The following SLC2A13 variants were observed in gnomAD, a reference collection of about 807,000 sequenced individuals.
SLC2A13 encodes the protein solute carrier family 2 member 13.
A neutral mutation model predicts 64.4 loss-of-function variants in SLC2A13; 32 were observed. The ratio of observed to expected loss-of-function variants is 0.50; its 90% CI spans 0.37 to 0.67. SLC2A13 has a LOEUF of 0.67. Ranked by LOEUF, SLC2A13 falls within the 30% of genes least tolerant of loss-of-function variation. The probability of loss-of-function intolerance (pLI) is 0.00; values close to 1 mark genes in which losing one functional copy is unlikely to be tolerated. For synonymous variants in SLC2A13, 338 were observed against 327.1 expected, an observed-to-expected ratio of 1.03 and a Z score of -0.36; for missense variants, 743 against 829.2, an observed-to-expected ratio of 0.90 and a Z score of 1.28.
intron 1 of SLC2A13, among the ~76,000 whole-genome samples, chr12:40,076,636 T>C (rs370251351): frequency 4.3e-4 from 65 of 152,248 alleles, no homozygotes; most frequent in African/African-American, 1.5e-3. Flanking sequence ...GTCTTTATGA[T>C]AGAACGAATT....
intron 3 of SLC2A13, among the ~76,000 whole-genome samples, chr12:39,998,739 T>C (rs973748915): frequency 6.6e-6 from 1 of 152,210 alleles, no homozygotes; most frequent in African/African-American, 2.4e-5. Flanking sequence ...TTTGAGTTAA[T>C]GCTGAGATGA....
chr12:39,815,069 A>G (rs1048966213), intron 7 of SLC2A13, among the ~76,000 whole-genome samples: 1 of 151,736 alleles, frequency 6.6e-6, no homozygotes, highest in Non-Finnish European at 1.5e-5. Flanking sequence ...TCAGCAAACT[A>G]AGGATTAGAG....
At chr12:39,799,679 C>A (rs1439933645) in intron 7 of SLC2A13, among the ~76,000 whole-genome samples, 1 of 152,116 alleles carries the variant, frequency 6.6e-6, no homozygotes, top group African/African-American at 2.4e-5. Flanking sequence ...AATAGCAATT[C>A]AAATGGTAGA....
chr12:39,838,465 C>T (rs1943083400), intron 6 of SLC2A13, among the ~76,000 whole-genome samples: 1 of 137,880 alleles, frequency 7.3e-6, no homozygotes, highest in South Asian at 2.3e-4. Context: ...ACAATGTGCA[C>T]ATGTACCCTA....
intron 4 of SLC2A13, among the ~76,000 whole-genome samples, chr12:39,917,383 CTCTG>C (rs781530782): frequency 5.3e-5 from 8 of 152,048 alleles, no homozygotes; most frequent in Non-Finnish European, 8.8e-5. Context: ...GCAAAGGAGT[CTCTG>C]TAGGTAGTTC....
intron 4 of SLC2A13, among the ~76,000 whole-genome samples, chr12:39,918,754 C>A (rs1039184814): frequency 6.6e-6 from 1 of 150,980 alleles, no homozygotes; most frequent in East Asian, 1.9e-4. Flanking sequence ...ATTAGCTGGG[C>A]GTGGTGGCGC....
At chr12:39,761,288 G>A (rs12229418) in intron 9 of SLC2A13, among the ~76,000 whole-genome samples, 20,323 of 151,934 alleles carry the variant, frequency 0.13, 1,634 homozygotes, top group East Asian at 0.39. Flanking sequence ...AGTGTTGGCA[G>A]TTTATGATTC....
intron 1 of SLC2A13, among the ~76,000 whole-genome samples, chr12:40,049,994 G>A (rs1030433909): frequency 6.6e-6 from 1 of 152,092 alleles, no homozygotes; most frequent in Admixed American, 6.6e-5. Context: ...AGTATTAACA[G>A]TCTTCACAAT....
In SLC2A13 at chr12:40,105,068, C is replaced by T. The variant is rs575665257; in HGVS notation, c.556+185G>A. On this transcript the variant is annotated intron_variant, in intron 1 of 9. Coordinates refer to ENST00000280871, the MANE Select transcript of SLC2A13 (RefSeq NM_052885.4). This position sits in a 1 kb window ranked among gnomAD's most constrained non-coding sequence, Gnocchi z 4.2. ...GACACCCCCTCCCCCCCGACCCTCC[C>T]ACCTCCCGGGAGAGCCTTGGAGGCT... Among the ~76,000 whole-genome samples the T allele has an allele frequency of 1.3e-5, 2 of 152,284 alleles. No homozygotes were observed. Among genetic ancestry groups the T allele is most frequent in the African/African-American group, 2.4e-5 (1 of 41,572 alleles).
chr12:39,906,890 A>T (rs1166974534), intron 4 of SLC2A13, among the ~76,000 whole-genome samples: 1 of 152,146 alleles, frequency 6.6e-6, no homozygotes, highest in Non-Finnish European at 1.5e-5. Flanking sequence ...ATAAAGTAAA[A>T]AAACTTTGTT....
In SLC2A13 at chr12:39,962,084, T is replaced by C. The variant is rs1314730892; in HGVS notation, c.926-10719A>G. On this transcript the variant is annotated intron_variant, in intron 3 of 9. Coordinates refer to ENST00000280871, the MANE Select transcript of SLC2A13 (RefSeq NM_052885.4). ...ACACAGTAAGTCACAATAATAGCTT[T>C]GTAACATCAAACCACCTTCGCATTC... 4.6e-5 allele frequency among the ~76,000 whole-genome samples: 7 copies of C among 152,184 alleles called. No individual in the cohort carries two copies. The East Asian group carries it at 1.2e-3, about 25-fold the overall frequency.
chr12:39,778,093 A>G (rs941691891), intron 7 of SLC2A13, among the ~76,000 whole-genome samples: 1 of 152,116 alleles, frequency 6.6e-6, no homozygotes, highest in Non-Finnish European at 1.5e-5. Flanking sequence ...ATGCTCCCCT[A>G]GAGGTTTGAG....
chr12:39,830,827 A>G (rs1942831418), intron 6 of SLC2A13, among the ~76,000 whole-genome samples: 1 of 152,192 alleles, frequency 6.6e-6, no homozygotes, highest in Non-Finnish European at 1.5e-5. Flanking sequence ...CTGAGTATCA[A>G]TTATGGATTA....
rs1939264159 is a variant in SLC2A13 at position 40,105,154 on chromosome 12, G to A, written c.556+99C>T. The A allele has an allele frequency of 7.0e-6, 10 of 1,419,094 alleles. No homozygotes were observed. Among genetic ancestry groups the A allele is most frequent in the Non-Finnish European group, 9.1e-6 (10 of 1,093,262 alleles). The allele number at this position is 1,419,094 out of a possible 1,614,324, so 87.9% of individuals were successfully genotyped here. On this transcript the variant is annotated intron_variant, in intron 1 of 9. Coordinates refer to ENST00000280871, the MANE Select transcript of SLC2A13 (RefSeq NM_052885.4). This position sits in a 1 kb window ranked among gnomAD's most constrained non-coding sequence, Gnocchi z 4.2. ...AGTGGAGGATTCTCTGACCCTGGGA[G>A]ACCAGACGGGGACCCCGATGGGCAA...
intron 3 of SLC2A13, among the ~76,000 whole-genome samples, chr12:39,956,411 A>G (rs569317412): frequency 3.9e-5 from 6 of 152,198 alleles, no homozygotes; most frequent in Admixed American, 2.0e-4. Context: ...CAGCGTCTCA[A>G]ATTATATGCT....
intron 7 of SLC2A13, among the ~76,000 whole-genome samples, chr12:39,804,794 A>C (rs1941913248): frequency 6.6e-6 from 1 of 152,194 alleles, no homozygotes. Flanking sequence ...AGATACATTT[A>C]TATTTACATG....
intron 6 of SLC2A13, among the ~76,000 whole-genome samples, chr12:39,835,229 T>C (rs888217955): frequency 6.6e-5 from 10 of 152,058 alleles, no homozygotes; most frequent in African/African-American, 2.4e-4. Flanking sequence ...CTTCAAAGTT[T>C]TCTATCTCAA....
At chr12:40,078,640 T>C (rs1432630279) in intron 1 of SLC2A13, among the ~76,000 whole-genome samples, 1 of 152,190 alleles carries the variant, frequency 6.6e-6, no homozygotes, top group East Asian at 1.9e-4. Context: ...TAGAATGATC[T>C]GGCCTCATAA....
intron 3 of SLC2A13, among the ~76,000 whole-genome samples, chr12:40,008,846 C>A (rs1165063632): frequency 6.6e-6 from 1 of 152,162 alleles, no homozygotes; most frequent in East Asian, 1.9e-4. Context: ...GAGAAACACA[C>A]ATACATGTGC....
Sources: gnomAD v4.1 joint callset for allele counts (sites outside exome capture counted in the v4.1 genomes callset) on GRCh38, gnomAD v4.1.1 for gene constraint, Gnocchi (gnomAD v3.1) non-coding constraint, MANE v1.5 for transcripts, NCBI Gene and HGNC (gene_info 2026-07-23, HGNC 2026-07-21) for gene names.